NAA11: variants seen among roughly 807,000 people sequenced by gnomAD.
NAA11 encodes the protein N-alpha-acetyltransferase 11, NatA catalytic subunit.
Under a neutral mutation model 16.1 loss-of-function variants are expected in NAA11, and 15 were observed. That is an observed-to-expected ratio of 0.93 (90% CI 0.62 to 1.44). The LOEUF (loss-of-function observed/expected upper bound fraction) is 1.44, where lower values mean the gene tolerates loss of function less well. Ranked by LOEUF, NAA11 falls within the 40% of genes most tolerant of loss-of-function variation. The pLI is 0.00. For missense variants in NAA11, 298 were observed against 291.3 expected (o/e 1.02, Z -0.17); for synonymous variants, 122 against 112.4 (o/e 1.09, Z -0.54).
rs148278828 is a variant in NAA11, at chr4:79,258,560, T to C, written c.*123-32290A>G. ...TCTGGACTTTGGGTGCTGATGAGCA[T>C]AGGAGGGAAGCTGATGGAGGAACTG... On this transcript the variant is annotated intron_variant and NMD_transcript_variant, in intron 2 of 2. Coordinates refer to the NAA11 transcript ENST00000511542. Among the ~76,000 whole-genome samples the C allele has an allele frequency of 7.4e-3, 1,131 of 152,230 alleles. 8 individuals are homozygous for C. Among genetic ancestry groups the C allele is most frequent in the Middle Eastern group, 0.041 (12 of 294 alleles).
the NAA11 span, among the ~76,000 whole-genome samples, chr4:79,187,157 T>C: frequency 6.6e-6 from 1 of 152,240 alleles, no homozygotes; most frequent in Non-Finnish European, 1.5e-5. Context: ...TAATTTCCCA[T>C]GTTTTATCAT....
At chr4:79,163,262 T>C in the NAA11 span, among the ~76,000 whole-genome samples, 5 of 152,170 alleles carry the variant, frequency 3.3e-5, no homozygotes, top group Non-Finnish European at 5.9e-5. Context: ...CTTTCCTGAA[T>C]GTGCATTTCC....
the NAA11 span, among the ~76,000 whole-genome samples, chr4:79,162,779 T>C: frequency 1.3e-5 from 2 of 152,202 alleles, no homozygotes; most frequent in Non-Finnish European, 2.9e-5. Flanking sequence ...TTATGTTACA[T>C]AGTCTACCAA....
At chr4:79,246,774 G>A (rs568824713) in intron 2 of NAA11, among the ~76,000 whole-genome samples, 132 of 152,276 alleles carry the variant, frequency 8.7e-4, no homozygotes, top group African/African-American at 3.2e-3. Flanking sequence ...GAGAGGCCTG[G>A]AGTGGAACTA....
At chr4:79,161,757 C>T in the NAA11 span, among the ~76,000 whole-genome samples, 1 of 152,052 alleles carries the variant, frequency 6.6e-6, no homozygotes, top group Admixed American at 6.5e-5. Flanking sequence ...TCACTGCAAC[C>T]TCCACCTCCC....
rs375355432 is a variant in NAA11, at chr4:79,230,398, C to T, written c.*123-4128G>A. On this transcript the variant is annotated intron_variant and NMD_transcript_variant, in intron 2 of 2. Transcript: ENST00000511542. ...ATGTAACTAACCTGCACATTGTGCA[C>T]ATGTACCCTAAAACTTAAAGTATAA... 3.5e-4 allele frequency among the ~76,000 whole-genome samples: 53 copies of T among 151,950 alleles called. No homozygotes were observed. The South Asian group carries it at 5.4e-3, about 16-fold the overall frequency.
intron 1 of NAA11, among the ~76,000 whole-genome samples, chr4:79,296,584 C>T (rs1019254552): frequency 1.3e-5 from 2 of 152,208 alleles, no homozygotes; most frequent in African/African-American, 4.8e-5. Flanking sequence ...ATTCAATCTT[C>T]AATTGATACT....
the NAA11 span, among the ~76,000 whole-genome samples, chr4:79,174,750 T>G: frequency 1.3e-5 from 2 of 152,040 alleles, no homozygotes; most frequent in East Asian, 3.9e-4. Context: ...GAAAATCACA[T>G]TAGTCACCAT....
chr4:79,218,100 T>C, the NAA11 span, among the ~76,000 whole-genome samples: 1 of 152,260 alleles, frequency 6.6e-6, no homozygotes, highest in East Asian at 1.9e-4. Flanking sequence ...CCTCATTTCA[T>C]AAATGACATA....
the NAA11 span, among the ~76,000 whole-genome samples, chr4:79,193,481 G>A: frequency 1.3e-5 from 2 of 152,130 alleles, no homozygotes; most frequent in African/African-American, 4.8e-5. Flanking sequence ...ATTAAATAGG[G>A]AATCGTTTCC....
the NAA11 span, among the ~76,000 whole-genome samples, chr4:79,219,734 A>C: frequency 2.0e-5 from 3 of 152,178 alleles, no homozygotes; most frequent in East Asian, 5.8e-4. Flanking sequence ...ATATGTATAT[A>C]TACATTTTTT....
chr4:79,265,797 G>A (rs939352733), intron 2 of NAA11, among the ~76,000 whole-genome samples: 7 of 151,616 alleles, frequency 4.6e-5, no homozygotes, highest in African/African-American at 1.7e-4. Context: ...AAATTTTTTT[G>A]TAGAGATGAG....
chr4:79,286,075 C>T (rs1216953072), intron 2 of NAA11, among the ~76,000 whole-genome samples: 1 of 152,018 alleles, frequency 6.6e-6, no homozygotes, highest in Non-Finnish European at 1.5e-5. Context: ...ATTCAACAGT[C>T]TTCTGATTTT....
chr4:79,322,060 A>G (rs1724105155), intron 1 of NAA11, among the ~76,000 whole-genome samples: 1 of 152,184 alleles, frequency 6.6e-6, no homozygotes, highest in Non-Finnish European at 1.5e-5. Context: ...GATGTGAGAA[A>G]TAAGATTTTA....
the NAA11 span, among the ~76,000 whole-genome samples, chr4:79,212,807 A>AT: frequency 2.0e-5 from 3 of 149,754 alleles, no homozygotes; most frequent in South Asian, 6.3e-4. Flanking sequence ...TATATATATA[A>AT]AGACAGTATA....
chr4:79,168,580 G>T, the NAA11 span, among the ~76,000 whole-genome samples: 1 of 152,146 alleles, frequency 6.6e-6, no homozygotes, highest in African/African-American at 2.4e-5. Context: ...GCGTGAGATG[G>T]TATCTCATTG....
chr4:79,267,708 G>T (rs1253468997), intron 2 of NAA11, among the ~76,000 whole-genome samples: 2 of 152,122 alleles, frequency 1.3e-5, no homozygotes, highest in African/African-American at 4.8e-5. Flanking sequence ...AGTTGTTGGT[G>T]TGACACCACA....
At chr4:79,236,302 T>A (rs991079517) in intron 2 of NAA11, among the ~76,000 whole-genome samples, 1 of 152,082 alleles carries the variant, frequency 6.6e-6, no homozygotes, top group African/African-American at 2.4e-5. Context: ...ATCTTTTTGT[T>A]TTTTTAAGTG....
chr4:79,259,992 C>A (rs1436455531), intron 2 of NAA11, among the ~76,000 whole-genome samples: 1 of 152,132 alleles, frequency 6.6e-6, no homozygotes, highest in African/African-American at 2.4e-5. Context: ...TGCATAGAGT[C>A]CAAAGTGCAA....
Sources: gnomAD v4.1 joint callset for allele counts (sites outside exome capture counted in the v4.1 genomes callset) on GRCh38, gnomAD v4.1.1 for gene constraint, MANE v1.5 for transcripts, NCBI Gene and HGNC (gene_info 2026-07-23, HGNC 2026-07-21) for gene names.